TBCE: variants seen among roughly 807,000 people sequenced by gnomAD.
TBCE encodes tubulin folding cofactor E.
In TBCE, 53 loss-of-function variants were observed where a neutral mutation model predicts 77.0. The ratio of observed to expected loss-of-function variants is 0.69; its 90% CI spans 0.55 to 0.87. The LOEUF (loss-of-function observed/expected upper bound fraction) is 0.87. Among genes scored for constraint, TBCE ranks in the 40% least tolerant of loss-of-function variants. TBCE has a pLI of 0.00. For missense variants in TBCE, 624 were observed against 622.4 expected (o/e 1.00, Z -0.03); for synonymous variants, 235 against 241.3 (o/e 0.97, Z 0.24).
intron 3 of TBCE, among the ~76,000 whole-genome samples, chr1:235,411,846 C>A (rs958640163): frequency 6.6e-6 from 1 of 151,976 alleles, no homozygotes; most frequent in African/African-American, 2.4e-5. Flanking sequence ...TAAGCAATCT[C>A]CCTCCTTTGA....
Position 235,402,357 on chromosome 1 carries a change from C to T in TBCE, c.185+770C>T, listed in dbSNP as rs192204820. Among the ~76,000 whole-genome samples the T allele has an allele frequency of 6.7e-3, 1,012 of 152,098 alleles. 7 individuals are homozygous for T. Among genetic ancestry groups the T allele is most frequent in the African/African-American group, 0.014 (600 of 41,490 alleles). On this transcript the variant is annotated intron_variant, in intron 3 of 16. Coordinates refer to ENST00000642610, the MANE Select transcript of TBCE (RefSeq NM_003193.5). ...GATTACAGGTGTGAGCCACCACGCC[C>T]GGCCTGTCACATTGCATTTCTATTA...
chr1:235,450,131 C>CT lies in TBCE; in HGVS notation c.*1370dup. On this transcript the variant is annotated 3_prime_UTR_variant, in exon 17 of 17. Transcript: ENST00000642610. ...AGACCATACAGTCTACTGCTAAACC[C>CT]TGGGACTCCTCAGACTTGCACTCAG... is the stretch of plus-strand genomic sequence containing the variant. 1 of 1,560,574 alleles carries CT rather than the reference C, an allele frequency of 6.4e-7. No homozygotes were observed. Among genetic ancestry groups the CT allele is most frequent in the Non-Finnish European group, 8.8e-7 (1 of 1,135,290 alleles).
intron 2 of TBCE, among the ~76,000 whole-genome samples, chr1:235,392,220 T>TG (rs1678429687): frequency 6.6e-6 from 1 of 151,920 alleles, no homozygotes; most frequent in African/African-American, 2.4e-5. Context: ...CCAGGCATGG[T>TG]GGCATGTGCC....
At position 235,414,526 on chromosome 1, in the gene TBCE, T is replaced by C. The variant is rs747294382; in HGVS notation, c.279T>C (p.Asp93=). 1 of 1,613,910 alleles carries C rather than the reference T, an allele frequency of 6.2e-7. No individual in the cohort carries two copies. Among genetic ancestry groups the C allele is most frequent in the Non-Finnish European group, 8.5e-7 (1 of 1,179,986 alleles). ...TTAAGAACCGCTATGTGTTAGAAGA[T>C]GGACCAGAGGAAGATAGAAAAGAGC... is the stretch of plus-strand genomic sequence containing the variant. The part of the protein sequence containing the change: ...TAIKNRYVLE[D]GPEEDRKEQI... The change falls in exon 4 of 17, where the codon GAT becomes GAC. Residue 93 remains aspartate, a synonymous_variant. Coordinates refer to ENST00000642610, the MANE Select transcript of TBCE (RefSeq NM_003193.5).
rs748572618 is a variant in TBCE at position 235,380,044 on chromosome 1, A to G, written c.-6A>G. On this transcript the variant is annotated 5_prime_UTR_variant, in exon 2 of 17. The change creates a new upstream start codon in the 5' untranslated region. Transcript: ENST00000642610. ...ATCTCATATTTTGGATTCTGGATAT[A>G]TTATAATGAGTGACACTTTGACAGC... 3 of 1,611,420 alleles carry G rather than the reference A, an allele frequency of 1.9e-6. No individual in the cohort carries two copies. The East Asian group carries it at 6.7e-5, about 36-fold the overall frequency.
intron 15 of TBCE, among the ~76,000 whole-genome samples, chr1:235,445,241 C>G (rs1558396602): frequency 6.6e-6 from 1 of 152,084 alleles, no homozygotes; most frequent in Non-Finnish European, 1.5e-5. Flanking sequence ...CAAATGTGCA[C>G]TCACTCACTC....
At chr1:235,426,220 C>T (rs998078810) in intron 5 of TBCE, among the ~76,000 whole-genome samples, 6 of 152,298 alleles carry the variant, frequency 3.9e-5, no homozygotes, top group Non-Finnish European at 8.8e-5. Context: ...GCACCTAGCC[C>T]CTCACCTCCA....
At chr1:235,427,283 A>C in intron 6 of TBCE, 44 bp downstream of exon 6, 3 of 1,402,008 alleles carry the variant, frequency 2.1e-6, no homozygotes, top group South Asian at 1.2e-5. Flanking sequence ...AATAAAGCTC[A>C]TCTCTCCTTG....
intron 5 of TBCE, among the ~76,000 whole-genome samples, chr1:235,422,747 TGAACCTGG>T (rs1229836320): frequency 1.3e-5 from 2 of 152,128 alleles, no homozygotes; most frequent in Non-Finnish European, 2.9e-5. Flanking sequence ...GAGAATCGCT[TGAACCTGG>T]GAGGCAGAGG....
intron 5 of TBCE, among the ~76,000 whole-genome samples, chr1:235,420,742 G>C (rs1428586412): frequency 6.6e-6 from 1 of 152,100 alleles, no homozygotes; most frequent in African/African-American, 2.4e-5. Flanking sequence ...TGGCCTCCCA[G>C]AGTGCTGGAA....
intron 6 of TBCE, among the ~76,000 whole-genome samples, chr1:235,427,753 G>A (rs533255807): frequency 2.6e-5 from 4 of 152,108 alleles, no homozygotes; most frequent in Non-Finnish European, 4.4e-5. Context: ...CATCTGGGCC[G>A]GGTGCAGTGG....
chr1:235,381,685 CAAAAAAAA>C (rs574997840), intron 2 of TBCE, among the ~76,000 whole-genome samples: 9 of 43,192 alleles, frequency 2.1e-4, no homozygotes, highest in African/African-American at 5.9e-4. Context: ...ACTCCTTCTC[CAAAAAAAA>C]AAAAAAAAAA....
chr1:235,392,655 C>T (rs1678466986), intron 2 of TBCE, among the ~76,000 whole-genome samples: 1 of 151,704 alleles, frequency 6.6e-6, no homozygotes, highest in African/African-American at 2.4e-5. Context: ...AGGTGATCCG[C>T]CCACCTCAGC....
At position 235,434,180 on chromosome 1, in the gene TBCE, G is replaced by A. The variant is rs369898109; in HGVS notation, c.661-24G>A. The A allele has an allele frequency of 5.0e-5, 81 of 1,613,482 alleles. No homozygotes were observed. In the African/African-American group the frequency reaches 1.0e-3, roughly 20 times the overall value. ...GAAACAGCCAGCAGAGGCCGCCTGA[G>A]CCTGAACCGAGTTTCTCTTCCAGGT... On this transcript the variant is annotated intron_variant, in intron 7 of 16. Coordinates refer to ENST00000642610, the MANE Select transcript of TBCE (RefSeq NM_003193.5).
chr1:235,377,243 G>T (rs1040778813), intron 1 of TBCE, among the ~76,000 whole-genome samples: 1 of 152,164 alleles, frequency 6.6e-6, no homozygotes, highest in Admixed American at 6.6e-5. Flanking sequence ...GCAGTGGCAC[G>T]ATCTTGGCTC....
At chr1:235,376,662 G>T (rs1162492282) in intron 1 of TBCE, among the ~76,000 whole-genome samples, 1 of 152,016 alleles carries the variant, frequency 6.6e-6, no homozygotes, top group South Asian at 2.1e-4. Context: ...GGTCTGACCC[G>T]TATGTTGATC....
Position 235,448,374 on chromosome 1 carries a change from G to A in TBCE, c.1425G>A (p.Lys475=). Residue 475 remains lysine, a synonymous_variant, in exon 16 of 17, where the codon AAG becomes AAA. Transcript: ENST00000642610. ...LPGSMTIQKV[K]GLLSRLLKVP... ...GCTCCATGACAATTCAAAAGGTGAA[G>A]GGATTGCTGTCACGTCTTCTCAAAG... 3 of 1,614,186 alleles carry A rather than the reference G, an allele frequency of 1.9e-6. No individual in the cohort carries two copies. The highest frequency in any genetic ancestry group is 2.2e-5 in the East Asian group (1 of 44,890).
chr1:235,436,827 G>C (rs192476377), intron 11 of TBCE, among the ~76,000 whole-genome samples: 4 of 152,214 alleles, frequency 2.6e-5, no homozygotes, highest in Admixed American at 2.6e-4. Context: ...CACATTAATA[G>C]AGTAAAAGGG....
intron 1 of TBCE, among the ~76,000 whole-genome samples, chr1:235,373,266 A>G (rs1677082405): frequency 6.6e-6 from 1 of 152,310 alleles, no homozygotes; most frequent in Non-Finnish European, 1.5e-5. Flanking sequence ...GGCACTTAAA[A>G]CTAGTAAAAA....
Sources: allele counts gnomAD v4.1 joint callset (sites outside exome capture counted in the v4.1 genomes callset), GRCh38; gene constraint gnomAD v4.1.1; transcripts MANE v1.5; gene names NCBI Gene and HGNC (gene_info 2026-07-23, HGNC 2026-07-21).